The following REELD1 variants were observed in gnomAD, a reference collection of about 807,000 sequenced individuals.
REELD1 encodes the protein reelin domain-containing protein 1.
A neutral mutation model predicts 6.3 loss-of-function variants in REELD1; 12 were observed. The observed-to-expected ratio is 1.89, with a 90% CI of 1.21 to 3.07. The LOEUF (loss-of-function observed/expected upper bound fraction) is 3.07, where lower values mean the gene tolerates loss of function less well. Ranked by LOEUF, REELD1 falls within the 30% of genes most tolerant of loss-of-function variation. The pLI, the probability that REELD1 is intolerant of heterozygous loss-of-function variation, is 0.00. For synonymous variants in REELD1, 57 were observed against 33.6 expected, an observed-to-expected ratio of 1.70 and a Z score of -2.42; for missense variants, 163 against 86.8, an observed-to-expected ratio of 1.88 and a Z score of -3.49.
chr4:146,230,346 C>T lies in REELD1; in HGVS notation c.1414C>T (p.Gln472Ter). The change falls in exon 8 of 8, where the codon CAG becomes TAG. Residue 472 changes from glutamine (Q) to a stop codon, truncating the protein, a stop_gained. Transcript: ENST00000623665. LOFTEE classifies it low-confidence loss of function (END_TRUNC). ...LRYLHTQYCH[Q>*]QTEVSFSEPA... ...CTACCTGCACACCCAGTATTGCCAC[C>T]AGCAGACAGAAGTGTCTTTCAGTGA... The T allele has an allele frequency of 2.5e-6, 1 of 398,836 alleles. No individual in the cohort carries two copies. The allele number at this position is 398,836 out of a possible 1,614,324, so 24.7% of individuals were successfully genotyped here. A position where few individuals can be genotyped will look rare whatever the true frequency, so the allele number is the denominator to read the frequency against.
At chr4:146,229,513 A>G (rs1033034475) in intron 7 of REELD1, among the ~76,000 whole-genome samples, 3 of 152,222 alleles carry the variant, frequency 2.0e-5, no homozygotes, top group African/African-American at 7.2e-5. Context: ...GTTCTTACTT[A>G]CATTTCTCAG....
At chr4:146,221,446 A>G (rs1560724259) in intron 3 of REELD1, among the ~76,000 whole-genome samples, 1 of 152,240 alleles carries the variant, frequency 6.6e-6, no homozygotes, top group Non-Finnish European at 1.5e-5. Flanking sequence ...TAGTTCCAGC[A>G]CTAGTGAATG....
rs543079067 is a variant in REELD1, at chr4:146,222,415, C to T, written c.267C>T (p.Ser89=). The T allele has an allele frequency of 4.6e-4, 182 of 398,554 alleles. No individual in the cohort carries two copies. The South Asian group carries it at 0.019, about 41-fold the overall frequency. 24.7% of individuals were successfully genotyped at this position (398,554 alleles called of 1,614,324 possible). A position where few individuals can be genotyped will look rare whatever the true frequency, so the allele number is the denominator to read the frequency against. The change falls in exon 4 of 8, where the codon TCC becomes TCT. Residue 89 remains serine (S), a synonymous_variant. Transcript: ENST00000623665. ...MGFLLQARRV[S]DHQIAGTFVL... The stretch of plus-strand genomic sequence containing the variant: ...TTCTCCTTCAGGCTCGAAGAGTGTC[C>T]GATCATCAAATCGCTGGCACTTTCG...
At chr4:146,215,876 G>A (rs999012254) in intron 2 of REELD1, among the ~76,000 whole-genome samples, 4 of 151,532 alleles carry the variant, frequency 2.6e-5, no homozygotes, top group East Asian at 1.9e-4. Context: ...TCAGCCTCCC[G>A]AGTAGCTGGG....
At chr4:146,225,317 C>T (rs758538882) in intron 5 of REELD1, among the ~76,000 whole-genome samples, 1 of 152,188 alleles carries the variant, frequency 6.6e-6, no homozygotes, top group South Asian at 2.1e-4. Context: ...CACAAGCACT[C>T]GTAAAAGCAT....
chr4:146,224,540 G>A lies in REELD1; in HGVS notation c.527G>A (p.Arg176His), dbSNP rs987095533. 4 of 701,758 alleles carry A rather than the reference G, an allele frequency of 5.7e-6. No homozygotes were observed. The highest frequency in any genetic ancestry group is 4.0e-5 in the Admixed American group (2 of 49,964). The allele number at this position is 701,758 out of a possible 1,614,324, so 43.5% of individuals were successfully genotyped here. ...CATAGCAGCGCCCATTCTGACGACCGCATGGAGCCCAGATTGCTGATGCCA... is the reference window on the plus strand; with the variant it reads ...CATAGCAGCGCCCATTCTGACGACCACATGGAGCCCAGATTGCTGATGCCA... ...QTHSSAHSDD[R>H]MEPRLLMPNL... Residue 176 changes from arginine (R) to histidine (H), a missense_variant, in exon 5 of 8, where the codon CGC becomes CAC. Transcript: ENST00000623665.
intron 5 of REELD1, among the ~76,000 whole-genome samples, chr4:146,227,630 A>T (rs952210006): frequency 6.6e-6 from 1 of 152,054 alleles, no homozygotes; most frequent in Non-Finnish European, 1.5e-5. Context: ...AAAGAATCTG[A>T]CTCTAAAACC....
chr4:146,220,326 T>C (rs1388632801), intron 3 of REELD1, among the ~76,000 whole-genome samples: 1 of 152,234 alleles, frequency 6.6e-6, no homozygotes, highest in Non-Finnish European at 1.5e-5. Context: ...TTCTTATTTA[T>C]GGGTATTTAC....
In REELD1 at chr4:146,232,057, C is replaced by T. The variant is rs900466770; in HGVS notation, c.*1544C>T. Reference sequence around the variant, plus strand: ...TGTCTAGCCCTCTAAAAGACGTTCTCCCCAAGAAGCAAACAAGGGACCCCA... The same window carrying T: ...TGTCTAGCCCTCTAAAAGACGTTCTTCCCAAGAAGCAAACAAGGGACCCCA... On this transcript the variant is annotated 3_prime_UTR_variant, in exon 8 of 8. Transcript: ENST00000623665. The T allele has an allele frequency of 1.3e-5, 2 of 152,190 alleles. No homozygotes were observed. The highest frequency in any genetic ancestry group is 2.9e-5 in the Non-Finnish European group (2 of 68,034). The allele number at this position is 152,190 out of a possible 1,614,324, so 9.4% of individuals were successfully genotyped here.
At chr4:146,218,264 C>T (rs1485229349) in intron 3 of REELD1, among the ~76,000 whole-genome samples, 1 of 152,212 alleles carries the variant, frequency 6.6e-6, no homozygotes, top group Non-Finnish European at 1.5e-5. Context: ...GTGTTTCTAC[C>T]TCCATGCCCC....
Position 146,230,011 on chromosome 4 carries a change from G to A in REELD1, c.1079G>A (p.Gly360Glu). 1 of 398,676 alleles carries A rather than the reference G, an allele frequency of 2.5e-6. No homozygotes were observed. Among genetic ancestry groups the A allele is most frequent in the Non-Finnish European group, 4.4e-6 (1 of 226,112 alleles). 24.7% of individuals were successfully genotyped at this position (398,676 alleles called of 1,614,324 possible). Residue 360 changes from glycine (G) to glutamate (E), a missense_variant, in exon 8 of 8, where the codon GGG (glycine) becomes GAG (glutamate). Gly to Glu is a moderately conservative substitution (Grantham distance 98, BLOSUM62 -2). Transcript: ENST00000623665. ...LWSSETFTGN[G>E]VRASNPIPVL... ...TCCTCTGAAACTTTCACAGGGAATG[G>A]GGTCAGGGCAAGCAACCCAATCCCT...
At chr4:146,228,160 C>G (rs568565050) in intron 5 of REELD1, 50 bp from the exon 6 acceptor site, 8 of 670,842 alleles carry the variant, frequency 1.2e-5, no homozygotes, top group African/African-American at 8.8e-5. Flanking sequence ...ACAATCGATG[C>G]GGGGAAAATG....
chr4:146,218,119 C>T (rs747753583), intron 3 of REELD1, among the ~76,000 whole-genome samples: 28 of 152,210 alleles, frequency 1.8e-4, no homozygotes, highest in Admixed American at 5.9e-4. Flanking sequence ...TGCAACTGAG[C>T]AGGTCTCTGC....
intron 4 of REELD1, among the ~76,000 whole-genome samples, chr4:146,223,808 G>T (rs183536189): frequency 6.6e-6 from 1 of 152,186 alleles, no homozygotes; most frequent in South Asian, 2.1e-4. Context: ...CGAGCCTCTG[G>T]GTGACTTCGG....
chr4:146,230,242 T>G lies in REELD1; in HGVS notation c.1310T>G (p.Ile437Ser). 1.0e-5 allele frequency: 4 copies of G among 398,812 alleles called. No homozygotes were observed. Among genetic ancestry groups the G allele is most frequent in the Non-Finnish European group, 1.8e-5 (4 of 226,198 alleles). The allele number at this position is 398,812 out of a possible 1,614,324, so 24.7% of individuals were successfully genotyped here. ...GAGGGAGCCCAGGCCCCTCTGGGTA[T>G]CCAGCTCAGAACTCCTCAGCTGGGA... ...GLEGAQAPLGIQLRTPQLGIL... is the reference protein window; with the variant it reads ...GLEGAQAPLGSQLRTPQLGIL... The change falls in exon 8 of 8, where the codon ATC becomes AGC. Residue 437 changes from isoleucine to serine, a missense_variant. By Grantham distance (142) the Ile-to-Ser change is moderately radical. Coordinates refer to ENST00000623665, the MANE Select transcript of REELD1 (RefSeq NM_001354631.1).
At chr4:146,218,386 T>C (rs1420838651) in intron 3 of REELD1, among the ~76,000 whole-genome samples, 2 of 152,170 alleles carry the variant, frequency 1.3e-5, no homozygotes, top group East Asian at 3.8e-4. Flanking sequence ...ATACTTCAGA[T>C]GCCACGAAGT....
At chr4:146,221,342 G>A (rs1381392802) in intron 3 of REELD1, among the ~76,000 whole-genome samples, 3 of 152,046 alleles carry the variant, frequency 2.0e-5, no homozygotes, top group African/African-American at 2.4e-5. Flanking sequence ...ATGTTTTCAG[G>A]GCTAACTGAT....
rs1731065162 is a variant in REELD1 at position 146,228,412 on chromosome 4, C to T, written c.798C>T (p.Asp266=). Residue 266 remains aspartate (D), a synonymous_variant, in exon 6 of 8, where the codon GAC becomes GAT. Transcript: ENST00000623665. ...GCATCAACCAGCAACCCAGCGGGGA[C>T]AGCAATCCCACCCTAGAGCCGTCCC... The part of the protein sequence containing the change: ...EGSINQQPSG[D]SNPTLEPSLE... The T allele has an allele frequency of 4.3e-6, 3 of 702,492 alleles. No homozygotes were observed. The highest frequency in any genetic ancestry group is 4.0e-5 in the Admixed American group (2 of 50,002). 43.5% of individuals were successfully genotyped at this position (702,492 alleles called of 1,614,324 possible). A position where few individuals can be genotyped will look rare whatever the true frequency, so the allele number is the denominator to read the frequency against.
intron 3 of REELD1, 100 bp from the exon 4 acceptor site, chr4:146,222,257 G>T (rs993231261): frequency 2.5e-6 from 1 of 397,552 alleles, no homozygotes; most frequent in Non-Finnish European, 4.4e-6. Flanking sequence ...TCACTTTCTG[G>T]GGGCTGATCT....
Sources: allele counts gnomAD v4.1 joint callset (sites outside exome capture counted in the v4.1 genomes callset), GRCh38; gene constraint gnomAD v4.1.1; transcripts MANE v1.5; gene names NCBI Gene and HGNC (gene_info 2026-07-23, HGNC 2026-07-21).